MGMT: variants seen among roughly 807,000 people sequenced by gnomAD.
The protein encoded by MGMT is O-6-methylguanine-DNA methyltransferase.
Under a neutral mutation model 15.9 loss-of-function variants are expected in MGMT, and 14 were observed. The ratio of observed to expected loss-of-function variants is 0.88; its 90% CI spans 0.58 to 1.37. The LOEUF (loss-of-function observed/expected upper bound fraction) is 1.37. Among genes scored for constraint, MGMT ranks in the 40% most tolerant of loss-of-function variants. MGMT has a pLI of 0.00. For missense variants in MGMT, 282 were observed against 268.1 expected (o/e 1.05, Z -0.36); for synonymous variants, 130 against 118.2 (o/e 1.10, Z -0.65).
At chr10:129,589,539 A>G (rs1846657539) in intron 2 of MGMT, among the ~76,000 whole-genome samples, 1 of 152,278 alleles carries the variant, frequency 6.6e-6, no homozygotes, top group Non-Finnish European at 1.5e-5. Flanking sequence ...ATATAAAATA[A>G]TCAAAACTGA....
intron 2 of MGMT, among the ~76,000 whole-genome samples, chr10:129,623,237 C>T (rs1412782239): frequency 6.6e-6 from 1 of 152,328 alleles, no homozygotes; most frequent in East Asian, 1.9e-4. Context: ...CACCCAGTCA[C>T]ATCACTGTGA....
Position 129,679,052 on chromosome 10 carries a change from G to A in MGMT, c.126-28843G>A, listed in dbSNP as rs535920556. ...CATGCCATTGCTCTCCAGCCTGGAT[G>A]ACAGACTGAGACTCCATCTCAAAAA... On this transcript the variant is annotated intron_variant, in intron 2 of 4. Transcript: ENST00000651593. Among the ~76,000 whole-genome samples the A allele has an allele frequency of 4.0e-5, 6 of 148,424 alleles. No individual in the cohort carries two copies. The South Asian group carries it at 1.3e-3, about 32-fold the overall frequency.
At chr10:129,740,549 T>C (rs989370973) in intron 3 of MGMT, among the ~76,000 whole-genome samples, 2 of 152,178 alleles carry the variant, frequency 1.3e-5, no homozygotes, top group African/African-American at 2.4e-5. Flanking sequence ...GGTGAGCTCA[T>C]TTACCCTCAG....
chr10:129,513,944 C>CT (rs1367078243), intron 1 of MGMT, among the ~76,000 whole-genome samples: 1 of 152,184 alleles, frequency 6.6e-6, no homozygotes, highest in Non-Finnish European at 1.5e-5. Context: ...TGTGAGTTTG[C>CT]TTGCTAATAG....
intron 2 of MGMT, among the ~76,000 whole-genome samples, chr10:129,591,772 A>T (rs1846689300): frequency 6.6e-6 from 1 of 152,152 alleles, no homozygotes; most frequent in African/African-American, 2.4e-5. Flanking sequence ...TCTTCTAAAA[A>T]TACAAAAAAT....
At chr10:129,475,535 C>G (rs1845282508) in intron 1 of MGMT, among the ~76,000 whole-genome samples, 1 of 152,196 alleles carries the variant, frequency 6.6e-6, no homozygotes, top group South Asian at 2.1e-4. Context: ...CCAAGAAAAG[C>G]CCATGTGTGC....
At chr10:129,528,231 CAG>C (rs924412312) in intron 1 of MGMT, among the ~76,000 whole-genome samples, 25 of 151,504 alleles carry the variant, frequency 1.7e-4, no homozygotes, top group Non-Finnish European at 3.5e-4. Flanking sequence ...GAAGAAAAAA[CAG>C]GAATTCCTCA....
intron 3 of MGMT, among the ~76,000 whole-genome samples, chr10:129,739,698 GC>G: frequency 6.6e-6 from 1 of 152,300 alleles, no homozygotes; most frequent in East Asian, 1.9e-4. Flanking sequence ...CAGCCTGCGA[GC>G]CACCTGCAGC....
At chr10:129,574,504 G>GT in intron 2 of MGMT, among the ~76,000 whole-genome samples, 2 of 152,326 alleles carry the variant, frequency 1.3e-5, no homozygotes, top group Admixed American at 1.3e-4. Context: ...TTTCAGTAAT[G>GT]TTTTTACTAT....
chr10:129,752,776 A>T (rs1235028827), intron 3 of MGMT, among the ~76,000 whole-genome samples: 1 of 152,150 alleles, frequency 6.6e-6, no homozygotes, highest in African/African-American at 2.4e-5. Flanking sequence ...TTATGTTTAC[A>T]TAAATTGAAA....
intron 3 of MGMT, among the ~76,000 whole-genome samples, chr10:129,723,894 C>T (rs185104943): frequency 5.3e-5 from 8 of 152,320 alleles, no homozygotes; most frequent in African/African-American, 1.9e-4. Context: ...GCAGAGACTG[C>T]CGCAGCCTCG....
chr10:129,502,854 C>T (rs892502199), intron 1 of MGMT, among the ~76,000 whole-genome samples: 1 of 152,136 alleles, frequency 6.6e-6, no homozygotes, highest in Non-Finnish European at 1.5e-5. Flanking sequence ...ACAAACAAGC[C>T]TTAGCGAGGC....
At chr10:129,583,747 G>A (rs1386143299) in intron 2 of MGMT, among the ~76,000 whole-genome samples, 2 of 152,268 alleles carry the variant, frequency 1.3e-5, no homozygotes, top group South Asian at 2.1e-4. Flanking sequence ...TGTCCTCCTC[G>A]TCTCTGTAGT....
At chr10:129,737,660 C>T (rs1358685685) in intron 3 of MGMT, among the ~76,000 whole-genome samples, 1 of 152,208 alleles carries the variant, frequency 6.6e-6, no homozygotes, top group Non-Finnish European at 1.5e-5. Flanking sequence ...TTTTTCTGCT[C>T]TGTTTTTTCC....
chr10:129,707,019 T>G (rs1007266032), intron 2 of MGMT, among the ~76,000 whole-genome samples: 5 of 151,952 alleles, frequency 3.3e-5, no homozygotes, highest in Non-Finnish European at 7.4e-5. Context: ...CCCAGCAGTT[T>G]GGGGGGCCCA....
intron 2 of MGMT, among the ~76,000 whole-genome samples, chr10:129,539,384 A>G (rs1359022268): frequency 1.3e-5 from 2 of 152,136 alleles, no homozygotes; most frequent in Non-Finnish European, 2.9e-5. Context: ...TTGAATTACC[A>G]TCAGTTGACC....
intron 1 of MGMT, among the ~76,000 whole-genome samples, chr10:129,496,678 G>A (rs1181061079): frequency 1.3e-5 from 2 of 152,046 alleles, no homozygotes; most frequent in East Asian, 3.9e-4. Flanking sequence ...GAGGCTAGCT[G>A]TCCCGTGCTC....
intron 1 of MGMT, among the ~76,000 whole-genome samples, chr10:129,474,792 C>T (rs11016806): frequency 0.026 from 4,000 of 152,252 alleles, 100 homozygotes; most frequent in Non-Finnish European, 0.037. Flanking sequence ...AACACCATGA[C>T]GTGTTTCGTG....
chr10:129,559,854 G>A (rs1476350448), intron 2 of MGMT, among the ~76,000 whole-genome samples: 1 of 152,096 alleles, frequency 6.6e-6, no homozygotes, highest in Non-Finnish European at 1.5e-5. Context: ...GCCCTAATTT[G>A]TCTTTTGAAA....
Sources: allele counts gnomAD v4.1 joint callset (sites outside exome capture counted in the v4.1 genomes callset), GRCh38; gene constraint gnomAD v4.1.1; transcripts MANE v1.5; gene names NCBI Gene and HGNC (gene_info 2026-07-23, HGNC 2026-07-21).